Variants in ABCC4 observed in about 807,000 individuals in gnomAD.
ABCC4 encodes the protein ATP binding cassette subfamily C member 4 (PEL blood group).
ABCC4 carries 102 observed loss-of-function variants against 168.5 expected under a neutral mutation model. That is an observed-to-expected ratio of 0.61 (90% CI 0.52 to 0.71). ABCC4 has a LOEUF of 0.71. Among genes scored for constraint, ABCC4 ranks in the 30% least tolerant of loss-of-function variants. The pLI, the probability that ABCC4 is intolerant of heterozygous loss-of-function variation, is 0.00. For missense variants in ABCC4, 1,402 were observed against 1,605.8 expected (o/e 0.87, Z 2.17); for synonymous variants, 617 against 590.7 (o/e 1.04, Z -0.65).
intron 4 of ABCC4, among the ~76,000 whole-genome samples, chr13:95,225,418 C>T (rs867794145): frequency 2.0e-5 from 3 of 152,128 alleles, no homozygotes; most frequent in Non-Finnish European, 4.4e-5. Context: ...TCCTGTAATC[C>T]CAGCACTTTG....
chr13:95,208,322 G>C (rs1252007194), intron 6 of ABCC4, among the ~76,000 whole-genome samples: 2 of 122,990 alleles, frequency 1.6e-5, no homozygotes, highest in African/African-American at 6.5e-5. Flanking sequence ...AACTCCACCG[G>C]GAAAGAGGAG....
chr13:95,043,396 T>C (rs2139241243), intron 29 of ABCC4: 1 of 353,212 alleles, frequency 2.8e-6, no homozygotes, highest in African/African-American at 2.0e-5. Flanking sequence ...TACTACTCCG[T>C]AGTATGACAG....
chr13:95,083,302 G>A lies in ABCC4; in HGVS notation c.2536-12C>T. 6.2e-7 allele frequency: 1 copy of A among 1,611,672 alleles called. No homozygotes were observed. Among genetic ancestry groups the A allele is most frequent in the Non-Finnish European group, 8.5e-7 (1 of 1,179,230 alleles). On this transcript the variant is annotated splice_polypyrimidine_tract_variant and intron_variant, in intron 20 of 30. Transcript: ENST00000645237. Reference sequence around the variant, plus strand: ...ACTTGTAGCAATGTCTGAAATAGCAGAAGTAGATGCAGGTTTTCCTTATCA... The same window carrying A: ...ACTTGTAGCAATGTCTGAAATAGCAAAAGTAGATGCAGGTTTTCCTTATCA...
In ABCC4 at chr13:95,053,124, C is replaced by A; in HGVS notation, c.3427G>T (p.Asp1143Tyr). 6.2e-7 allele frequency: 1 copy of A among 1,614,114 alleles called. No individual in the cohort carries two copies. Among genetic ancestry groups the A allele is most frequent in the Non-Finnish European group, 8.5e-7 (1 of 1,179,988 alleles). ...TGTAAGGCATTCCACAGTTCCTCAT[C>A]CGTGTGCTCATTAAAGGGATCCAGG... ...KNLDPFNEHT[D>Y]EELWNALQEV... Residue 1143 changes from aspartate to tyrosine, a missense_variant, in exon 27 of 31, where the codon GAT becomes TAT. Physicochemically the swap from Asp to Tyr is radical, Grantham distance 160 (BLOSUM62 -3). Transcript: ENST00000645237.
rs1190738346 is a variant in ABCC4, at chr13:95,248,805, A to C, written c.75-1052T>G. The stretch of plus-strand genomic sequence containing the variant: ...CTCATGCCTGTAACCCCAGCACTTT[A>C]GGTGGCTGAGGTAGGCGGATCACTT... On this transcript the variant is annotated intron_variant, in intron 1 of 30. Transcript: ENST00000645237. Among the ~76,000 whole-genome samples the C allele has an allele frequency of 5.3e-5, 8 of 152,302 alleles. No homozygotes were observed. The South Asian group carries it at 1.7e-3, about 32-fold the overall frequency.
At chr13:95,247,151 AG>A in intron 2 of ABCC4, 56 bp from the exon 3 acceptor site, 1 of 1,563,142 alleles carries the variant, frequency 6.4e-7, no homozygotes, top group Non-Finnish European at 8.7e-7. Flanking sequence ...AATATAAAAC[AG>A]GGGAGATGGC....
At chr13:95,283,215 C>CAA (rs1262067135) in intron 1 of ABCC4, among the ~76,000 whole-genome samples, 14 of 101,094 alleles carry the variant, frequency 1.4e-4, no homozygotes, top group Middle Eastern at 5.3e-3. Flanking sequence ...GACTCCAACT[C>CAA]AAAAAAAAAA....
intron 30 of ABCC4, among the ~76,000 whole-genome samples, chr13:95,032,052 G>T (rs2031900894): frequency 6.6e-6 from 1 of 152,120 alleles, no homozygotes; most frequent in Non-Finnish European, 1.5e-5. Context: ...GTTTTATGAG[G>T]GAAGCTTTGG....
Position 95,163,711 on chromosome 13 carries a change from C to G in ABCC4, c.2176-64G>C, listed in dbSNP as rs574454722. ...GGGCATGACTTACCAACTCAAAACT[C>G]TCAATCGCTAACATGGACAACCGAA... On this transcript the variant is annotated intron_variant, in intron 16 of 30. Coordinates refer to ENST00000645237, the MANE Select transcript of ABCC4 (RefSeq NM_005845.5). 24 of 1,363,150 alleles carry G rather than the reference C, an allele frequency of 1.8e-5. No individual in the cohort carries two copies. The South Asian group carries it at 2.6e-4, about 14-fold the overall frequency. 84.4% of individuals were successfully genotyped at this position (1,363,150 alleles called of 1,614,324 possible).
chr13:95,283,163 C>T (rs1164586346), intron 1 of ABCC4, among the ~76,000 whole-genome samples: 2 of 149,972 alleles, frequency 1.3e-5, no homozygotes, highest in Admixed American at 1.3e-4. Context: ...CTGCAGTGAG[C>T]TGAGATAGCG....
intron 24 of ABCC4, 76 bp from the exon 25 acceptor site, chr13:95,071,929 A>AGAAGAACATTTCAT: frequency 8.8e-7 from 1 of 1,133,876 alleles, no homozygotes; most frequent in Non-Finnish European, 1.2e-6. Flanking sequence ...TGTCAATGAA[A>AGAAGAACATTTCAT]TGTTCTTCTT....
intron 3 of ABCC4, among the ~76,000 whole-genome samples, chr13:95,242,456 G>T (rs536755517): frequency 1.3e-5 from 2 of 152,240 alleles, no homozygotes; most frequent in South Asian, 4.2e-4. Flanking sequence ...TCGAACTCCT[G>T]ACCTTGTGAT....
chr13:95,253,622 G>A (rs986714871), intron 1 of ABCC4, among the ~76,000 whole-genome samples: 2 of 151,892 alleles, frequency 1.3e-5, no homozygotes, highest in Admixed American at 6.6e-5. Context: ...GAGGACACCC[G>A]TAATCCCAGC....
intron 3 of ABCC4, among the ~76,000 whole-genome samples, chr13:95,240,983 A>C (rs2039925661): frequency 6.6e-6 from 1 of 151,208 alleles, no homozygotes; most frequent in Non-Finnish European, 1.5e-5. Flanking sequence ...AAAACAAAAC[A>C]ACCAAAGAAA....
chr13:95,110,995 A>C (rs1187887204), intron 20 of ABCC4, among the ~76,000 whole-genome samples: 1 of 151,820 alleles, frequency 6.6e-6, no homozygotes, highest in East Asian at 1.9e-4. Flanking sequence ...GAAAAAAAAA[A>C]AAAAAACCAC....
At chr13:95,051,814 G>A (rs9561771) in intron 27 of ABCC4, among the ~76,000 whole-genome samples, 17,307 of 144,190 alleles carry the variant, frequency 0.12, 1,063 homozygotes, top group Middle Eastern at 0.18. Context: ...CTACAGATGC[G>A]CACCACCACG....
At chr13:95,150,863 A>T (rs1267481048) in intron 19 of ABCC4, among the ~76,000 whole-genome samples, 1 of 152,198 alleles carries the variant, frequency 6.6e-6, no homozygotes. Context: ...GAGTCTAGCT[A>T]GAAATTGTTG....
chr13:95,284,037 T>G (rs751608133), intron 1 of ABCC4, among the ~76,000 whole-genome samples: 1 of 151,578 alleles, frequency 6.6e-6, no homozygotes, highest in African/African-American at 2.4e-5. Context: ...CCGTCTCTAC[T>G]AAAAATACAA....
intron 20 of ABCC4, among the ~76,000 whole-genome samples, chr13:95,097,643 G>A (rs1275791534): frequency 1.0e-5 from 1 of 99,722 alleles, no homozygotes; most frequent in South Asian, 3.4e-4. Context: ...CGTTACCAAA[G>A]TAAAGTAAAT....
Sources: gnomAD v4.1 joint callset for allele counts (sites outside exome capture counted in the v4.1 genomes callset) on GRCh38, gnomAD v4.1.1 for gene constraint, MANE v1.5 for transcripts, NCBI Gene and HGNC (gene_info 2026-07-23, HGNC 2026-07-21) for gene names.